Variants in RABGEF1 observed in about 807,000 individuals in gnomAD.
RABGEF1 encodes the protein rab5 GDP/GTP exchange factor.
In RABGEF1, 26 loss-of-function variants were observed where a neutral mutation model predicts 57.3. The observed-to-expected ratio is 0.45, with a 90% CI of 0.33 to 0.63. The LOEUF (loss-of-function observed/expected upper bound fraction) is 0.63, where lower values mean the gene tolerates loss of function less well. RABGEF1 is among the 20% of genes least tolerant of loss of function. RABGEF1 has a pLI of 0.02. For missense variants in RABGEF1, 464 were observed against 607.6 expected (o/e 0.76, Z 2.48); for synonymous variants, 185 against 210.7 (o/e 0.88, Z 1.06).
intron 4 of RABGEF1, among the ~76,000 whole-genome samples, chr7:66,788,835 A>G (rs947557476): frequency 1.3e-5 from 2 of 151,792 alleles, no homozygotes; most frequent in East Asian, 2.0e-4. Flanking sequence ...GGTGCCTGTA[A>G]TCCCAGCTAC....
chr7:66,755,803 C>T, intron 1 of RABGEF1: 3 of 360,132 alleles, frequency 8.3e-6, no homozygotes, highest in Non-Finnish European at 1.5e-5. Context: ...GAACTCATTC[C>T]TTGAGAATGC....
At position 66,741,543 on chromosome 7, in the gene RABGEF1, C is replaced by T. The variant is rs190199654; in HGVS notation, c.-18+751C>T. On this transcript the variant is annotated intron_variant, in intron 1 of 8. Transcript: ENST00000284957. ...TCTCAGCGCGGGTGACCAATCCTTG[C>T]GGTTGGGAAATGTGTCGTGGGCGCC... Among the ~76,000 whole-genome samples, 318 of 152,152 alleles carry T rather than the reference C, an allele frequency of 2.1e-3. 2 individuals carry two copies. Among genetic ancestry groups the T allele is most frequent in the African/African-American group, 7.4e-3 (309 of 41,524 alleles).
At chr7:66,748,882 A>T in intron 1 of RABGEF1, 1 of 243,868 alleles carries the variant, frequency 4.1e-6, no homozygotes, top group Non-Finnish European at 8.9e-6. Flanking sequence ...ACCTTATTGA[A>T]ACCCTCACAG....
chr7:66,698,394 GC>G (rs1792685953), intron 1 of RABGEF1, among the ~76,000 whole-genome samples: 1 of 152,134 alleles, frequency 6.6e-6, no homozygotes, highest in South Asian at 2.1e-4. Flanking sequence ...AAAGTGGGCA[GC>G]CCACGAAAGA....
At chr7:66,675,624 G>A in the RABGEF1 span, among the ~76,000 whole-genome samples, 1 of 152,008 alleles carries the variant, frequency 6.6e-6, no homozygotes, top group Non-Finnish European at 1.5e-5. Context: ...GATTCAGATC[G>A]GAAAGGAAGA....
upstream of RABGEF1, among the ~76,000 whole-genome samples, chr7:66,680,542 C>T (rs1183560957): frequency 6.6e-6 from 1 of 151,538 alleles, no homozygotes; most frequent in East Asian, 2.0e-4. Context: ...CCGCACCCAG[C>T]CATACTTTTG....
At chr7:66,674,097 G>T in the RABGEF1 span, among the ~76,000 whole-genome samples, 1 of 152,026 alleles carries the variant, frequency 6.6e-6, no homozygotes, top group African/African-American at 2.4e-5. Context: ...GTAAAATGCT[G>T]CAACCACTTT....
chr7:66,702,380 TGTGTGTGTG>T (rs1793425393), intron 1 of RABGEF1, among the ~76,000 whole-genome samples: 1 of 148,558 alleles, frequency 6.7e-6, no homozygotes, highest in Non-Finnish European at 1.5e-5. Flanking sequence ...TGTGTGTGTG[TGTGTGTGTG>T]TCAGCTCCTT....
intron 3 of RABGEF1, among the ~76,000 whole-genome samples, chr7:66,777,935 T>C (rs1185070536): frequency 6.6e-6 from 1 of 152,256 alleles, no homozygotes; most frequent in African/African-American, 2.4e-5. Flanking sequence ...TTGTTTGTTC[T>C]TTAGTTGCTT....
chr7:66,807,103 C>T (rs1290094147), intron 8 of RABGEF1, among the ~76,000 whole-genome samples: 2 of 152,138 alleles, frequency 1.3e-5, no homozygotes, highest in Admixed American at 6.5e-5. Context: ...AGGACCAGGA[C>T]GTGTTTGAGC....
At chr7:66,703,222 T>A (rs1310984678) in intron 1 of RABGEF1, among the ~76,000 whole-genome samples, 1 of 152,224 alleles carries the variant, frequency 6.6e-6, no homozygotes, top group African/African-American at 2.4e-5. Flanking sequence ...CCCGCCCGCC[T>A]TGGCCTCCCA....
chr7:66,696,227 G>A (rs968372846), intron 1 of RABGEF1, among the ~76,000 whole-genome samples: 8 of 151,942 alleles, frequency 5.3e-5, no homozygotes, highest in South Asian at 2.1e-4. Context: ...CACCATGCCT[G>A]GCTAATTTTT....
intron 1 of RABGEF1, among the ~76,000 whole-genome samples, chr7:66,749,798 C>T (rs528996653): frequency 1.6e-3 from 239 of 152,138 alleles, no homozygotes; most frequent in African/African-American, 5.5e-3. Flanking sequence ...AGTTAAACCC[C>T]GTCTCTACTA....
Position 66,684,759 on chromosome 7 carries a change from C to G in RABGEF1, c.-873+2501C>G, listed in dbSNP as rs368292430. ...ATGCCATTCTCCTGCTTCAGTCTCC[C>G]GAGTAGCTGGGACTGCAGGCACCCG... On this transcript the variant is annotated intron_variant and NMD_transcript_variant, in intron 1 of 9. Transcript: ENST00000607882. Among the ~76,000 whole-genome samples, 5 of 152,250 alleles carry G rather than the reference C, an allele frequency of 3.3e-5. No individual in the cohort carries two copies. The East Asian group carries it at 5.8e-4, about 18-fold the overall frequency.
chr7:66,771,056 G>A (rs1013308742), intron 1 of RABGEF1, among the ~76,000 whole-genome samples: 1 of 152,132 alleles, frequency 6.6e-6, no homozygotes, highest in Non-Finnish European at 1.5e-5. Flanking sequence ...TATATGGTTT[G>A]CAGATAAGTT....
chr7:66,739,108 G>A (rs1798413621), upstream of RABGEF1, among the ~76,000 whole-genome samples: 1 of 151,866 alleles, frequency 6.6e-6, no homozygotes, highest in African/African-American at 2.4e-5. Flanking sequence ...GTGCCACCAT[G>A]CCTGGCTAAT....
intron 1 of RABGEF1, among the ~76,000 whole-genome samples, chr7:66,753,134 C>A (rs964141605): frequency 1.3e-5 from 2 of 152,062 alleles, no homozygotes; most frequent in African/African-American, 2.4e-5. Context: ...GTCAGATGTC[C>A]CTTGATCCTT....
At chr7:66,706,665 C>T (rs369294011) in intron 1 of RABGEF1, among the ~76,000 whole-genome samples, 14 of 151,790 alleles carry the variant, frequency 9.2e-5, no homozygotes, top group Non-Finnish European at 1.3e-4. Context: ...CCGCCCGCCT[C>T]GGCCTCCCAA....
At chr7:66,780,037 A>C (rs1809516404) in intron 3 of RABGEF1, among the ~76,000 whole-genome samples, 1 of 152,168 alleles carries the variant, frequency 6.6e-6, no homozygotes, top group African/African-American at 2.4e-5. Flanking sequence ...TTTACATTTT[A>C]AAAGGGTTTT....
Sources: gnomAD v4.1 joint callset for allele counts (sites outside exome capture counted in the v4.1 genomes callset) on GRCh38, gnomAD v4.1.1 for gene constraint, MANE v1.5 for transcripts, NCBI Gene and HGNC (gene_info 2026-07-23, HGNC 2026-07-21) for gene names.